TNRC6B: variants seen among roughly 807,000 people sequenced by gnomAD.
TNRC6B encodes the protein trinucleotide repeat containing adaptor 6B, also known as trinucleotide repeat-containing gene 6B protein.
In TNRC6B, 52 loss-of-function variants were observed where a neutral mutation model predicts 203.6. The observed-to-expected ratio is 0.26, with a 90% CI of 0.20 to 0.32. TNRC6B has a LOEUF of 0.32. Among genes scored for constraint, TNRC6B ranks in the 10% least tolerant of loss-of-function variants. TNRC6B has a pLI of 1.00. For synonymous variants in TNRC6B, 838 were observed against 845.7 expected (o/e 0.99, Z 0.16); for missense variants, 1,923 against 2,286.2 (o/e 0.84, Z 3.24).
chr22:40,248,138 C>T lies in TNRC6B; in HGVS notation c.93+2036C>T, dbSNP rs1441655559. Among the ~76,000 whole-genome samples, 3 of 151,780 alleles carry T rather than the reference C, an allele frequency of 2.0e-5. No homozygotes were observed. The South Asian group carries it at 6.2e-4, about 32-fold the overall frequency. On this transcript the variant is annotated intron_variant, in intron 2 of 22. Transcript: ENST00000454349. ...AGAGATGTTTTTGTACTTTCCTTTG[C>T]GTCCGTGGCCACATGCCCTGTCACT...
At chr22:40,313,664 CA>C (rs2071218437) in intron 19 of TNRC6B, among the ~76,000 whole-genome samples, 1 of 152,202 alleles carries the variant, frequency 6.6e-6, no homozygotes, top group African/African-American at 2.4e-5. Flanking sequence ...TTTGCCCAGG[CA>C]AAAGCAAATA....
chr22:40,246,239 G>C, intron 2 of TNRC6B, 137 bp downstream of exon 2: 1 of 595,736 alleles, frequency 1.7e-6, no homozygotes. Flanking sequence ...ACCTAGGCTG[G>C]AGTGCAGTGG....
At chr22:40,302,862 A>G (rs2071041620) in intron 15 of TNRC6B, among the ~76,000 whole-genome samples, 1 of 152,178 alleles carries the variant, frequency 6.6e-6, no homozygotes, top group Non-Finnish European at 1.5e-5. Flanking sequence ...ATTCTTAAAG[A>G]TGATCTGCCT....
intron 1 of TNRC6B, among the ~76,000 whole-genome samples, chr22:40,178,927 A>C (rs752813222): frequency 2.0e-5 from 3 of 152,156 alleles, no homozygotes; most frequent in Non-Finnish European, 4.4e-5. Flanking sequence ...ATTAGAAATT[A>C]TTTCTTTATC....
chr22:40,287,886 G>A (rs576221350), intron 12 of TNRC6B, among the ~76,000 whole-genome samples: 1 of 152,348 alleles, frequency 6.6e-6, no homozygotes, highest in South Asian at 2.1e-4. Context: ...GTTTAACAGA[G>A]TTTGGGTAAT....
At chr22:40,262,802 G>C (rs955690984) in intron 4 of TNRC6B, among the ~76,000 whole-genome samples, 1 of 152,154 alleles carries the variant, frequency 6.6e-6, no homozygotes, top group African/African-American at 2.4e-5. Flanking sequence ...CACTTTGGGA[G>C]GCCGAGGCGG....
At chr22:40,255,914 A>G (rs2070270328) in intron 3 of TNRC6B, among the ~76,000 whole-genome samples, 1 of 152,140 alleles carries the variant, frequency 6.6e-6, no homozygotes, top group East Asian at 1.9e-4. Flanking sequence ...GTGCAATGGC[A>G]TGATCTTGGC....
At chr22:40,271,969 A>G (rs1170413791) in intron 6 of TNRC6B, among the ~76,000 whole-genome samples, 1 of 120,270 alleles carries the variant, frequency 8.3e-6, no homozygotes, top group Non-Finnish European at 1.8e-5. Context: ...TCTGTAAGAA[A>G]CATTTGTTAG....
At chr22:40,285,595 G>T in intron 11 of TNRC6B, 50 bp from the exon 12 acceptor site, 2 of 1,585,278 alleles carry the variant, frequency 1.3e-6, no homozygotes, top group Non-Finnish European at 1.7e-6. Context: ...TTTCTTACTT[G>T]CATTTTCTTA....
intron 1 of TNRC6B, among the ~76,000 whole-genome samples, chr22:40,070,502 T>C (rs2067937941): frequency 6.6e-6 from 1 of 152,220 alleles, no homozygotes; most frequent in African/African-American, 2.4e-5. Flanking sequence ...AAGGCTGATT[T>C]CAGTGTTTCC....
chr22:40,264,767 C>G lies in TNRC6B; in HGVS notation c.537C>G (p.Thr179=). The G allele has an allele frequency of 6.2e-7, 1 of 1,612,138 alleles. No individual in the cohort carries two copies. The highest frequency in any genetic ancestry group is 8.5e-7 in the Non-Finnish European group (1 of 1,179,010). The part of the protein sequence containing the change: ...WGSGASSNNG[T]SPNPIHIWDK... ...CGGGAGCCTCCTCCAACAACGGCAC[C>G]TCCCCCAACCCAATTCACATCTGGG... Residue 179 remains threonine, a synonymous_variant, in exon 5 of 23, where the codon ACC becomes ACG. Coordinates refer to ENST00000454349, the MANE Select transcript of TNRC6B (RefSeq NM_001162501.2).
chr22:40,213,811 A>G (rs1431854105), intron 1 of TNRC6B, among the ~76,000 whole-genome samples: 1 of 152,220 alleles, frequency 6.6e-6, no homozygotes, highest in East Asian at 1.9e-4. Context: ...GCAGTGCACT[A>G]CTGTATAGGA....
rs542604633 is a variant in TNRC6B, at chr22:40,146,704, C to T, written c.46-9411C>T. Among the ~76,000 whole-genome samples the T allele has an allele frequency of 1.8e-4, 28 of 151,994 alleles. 2 individuals carry two copies. In the South Asian group the frequency reaches 1.9e-3, roughly 10 times the overall value. On this transcript the variant is annotated intron_variant, in intron 3 of 23. Coordinates refer to the TNRC6B transcript ENST00000301923. Reference sequence around the variant, plus strand: ...CCTCCTGAATAACTGGGATTACAGGCGCCCGCCGCCATGCCTGGCTAATTT... The same window carrying T: ...CCTCCTGAATAACTGGGATTACAGGTGCCCGCCGCCATGCCTGGCTAATTT...
chr22:40,320,957 G>T, intron 21 of TNRC6B, 133 bp from the exon 22 acceptor site: 2 of 983,026 alleles, frequency 2.0e-6, no homozygotes, highest in Admixed American at 2.2e-5. Flanking sequence ...ATATGCTTTT[G>T]TTTTGAGCTG....
chr22:40,105,577 C>T (rs942301391), intron 1 of TNRC6B, among the ~76,000 whole-genome samples: 1 of 152,130 alleles, frequency 6.6e-6, no homozygotes, highest in East Asian at 1.9e-4. Context: ...TTTTGTGTCT[C>T]GTCCTTATGT....
At chr22:40,175,128 G>A (rs893757491), upstream of TNRC6B, among the ~76,000 whole-genome samples, 4 of 152,098 alleles carry the variant, frequency 2.6e-5, no homozygotes, top group Non-Finnish European at 4.4e-5. Context: ...GGAGGCTGAC[G>A]TGGGCAGATC....
intron 1 of TNRC6B, among the ~76,000 whole-genome samples, chr22:40,048,434 G>A (rs910415789): frequency 2.0e-5 from 3 of 151,776 alleles, no homozygotes; most frequent in African/African-American, 7.3e-5. Context: ...CCAGTTACTC[G>A]GGAGCCTGAC....
At chr22:40,101,966 C>T (rs912789565) in intron 1 of TNRC6B, among the ~76,000 whole-genome samples, 1 of 152,162 alleles carries the variant, frequency 6.6e-6, no homozygotes, top group African/African-American at 2.4e-5. Flanking sequence ...AGCCAGTGAC[C>T]TACTTTAAGC....
chr22:40,099,957 T>C (rs561265581), intron 1 of TNRC6B, among the ~76,000 whole-genome samples: 4 of 152,266 alleles, frequency 2.6e-5, no homozygotes, highest in East Asian at 3.9e-4. Context: ...TTTACCATAT[T>C]AGCCAGGATG....
Sources: gnomAD v4.1 joint callset for allele counts (sites outside exome capture counted in the v4.1 genomes callset) on GRCh38, gnomAD v4.1.1 for gene constraint, MANE v1.5 for transcripts, NCBI Gene and HGNC (gene_info 2026-07-23, HGNC 2026-07-21) for gene names.